ARPC5L: variants seen among roughly 807,000 people sequenced by gnomAD.
ARPC5L encodes the protein actin-related protein 2/3 complex subunit 5-like protein.
A neutral mutation model predicts 16.9 loss-of-function variants in ARPC5L; 4 were observed. That is an observed-to-expected ratio of 0.24 (90% CI 0.12 to 0.54). The LOEUF (loss-of-function observed/expected upper bound fraction) is 0.54, where lower values mean the gene tolerates loss of function less well. Among genes scored for constraint, ARPC5L ranks in the 20% least tolerant of loss-of-function variants. The pLI is 0.95. For synonymous variants in ARPC5L, 78 were observed against 82.6 expected, an observed-to-expected ratio of 0.94 and a Z score of 0.30; for missense variants, 151 against 201.9, an observed-to-expected ratio of 0.75 and a Z score of 1.53.
chr9:124,866,142 G>A (rs1052658953), intron 2 of ARPC5L, among the ~76,000 whole-genome samples: 3 of 151,690 alleles, frequency 2.0e-5, no homozygotes, highest in Non-Finnish European at 4.4e-5. Context: ...AGTGGCTCAC[G>A]TCTGTAATCC....
intron 3 of ARPC5L, among the ~76,000 whole-genome samples, chr9:124,869,760 T>C (rs1443603841): frequency 2.0e-5 from 3 of 152,194 alleles, no homozygotes; most frequent in Non-Finnish European, 2.9e-5. Context: ...CCCCTCACGC[T>C]GTCCCTTCCT....
intron 3 of ARPC5L, 46 bp downstream of exon 3, chr9:124,869,485 A>C (rs1451972252): frequency 7.1e-7 from 1 of 1,402,498 alleles, no homozygotes; most frequent in Non-Finnish European, 9.2e-7. Flanking sequence ...CGGCCTTCTC[A>C]CCTTCCCACC....
Position 124,877,572 on chromosome 9 carries a change from C to T in ARPC5L, c.*632C>T, listed in dbSNP as rs1829464968. 2 of 152,496 alleles carry T rather than the reference C, an allele frequency of 1.3e-5. No homozygotes were observed. Among genetic ancestry groups the T allele is most frequent in the Non-Finnish European group, 2.9e-5 (2 of 68,078 alleles). The allele number at this position is 152,496 out of a possible 1,614,324, so 9.4% of individuals were successfully genotyped here. ...GAGCGAGCATGGCAATCCACAGGCC[C>T]TCTGCCACAGGACGCCAGCCTCGGC... On this transcript the variant is annotated 3_prime_UTR_variant, in exon 6 of 6. Coordinates refer to ENST00000353214, the MANE Select transcript of ARPC5L (RefSeq NM_030978.3).
In ARPC5L at chr9:124,877,546, G is replaced by C. The variant is rs1237012531; in HGVS notation, c.*606G>C. The C allele has an allele frequency of 6.6e-6, 1 of 152,590 alleles. No individual in the cohort carries two copies. The highest frequency in any genetic ancestry group is 6.5e-5 in the Admixed American group (1 of 15,280). 9.5% of individuals were successfully genotyped at this position (152,590 alleles called of 1,614,324 possible). A position where few individuals can be genotyped will look rare whatever the true frequency, so the allele number is the denominator to read the frequency against. On this transcript the variant is annotated 3_prime_UTR_variant, in exon 6 of 6. Transcript: ENST00000353214. ...CTGTGTCCCTGTTGAGCCACCCCTG[G>C]GAGCGAGCATGGCAATCCACAGGCC...
chr9:124,876,949 A>AAAAG lies in ARPC5L; in HGVS notation c.*11_*14dup, dbSNP rs772769235. The AAAAG allele has an allele frequency of 6.8e-6, 11 of 1,608,510 alleles. No individual in the cohort carries two copies. In the Middle Eastern group the frequency reaches 1.3e-3, roughly 195 times the overall value. On this transcript the variant is annotated 3_prime_UTR_variant, in exon 6 of 6. Transcript: ENST00000353214. The stretch of plus-strand genomic sequence containing the variant: ...CAAGAAAGACTGTTTAAAAAAAATA[A>AAAAG]AAAGACTCATGTTACCTTGAGAAGA...
chr9:124,874,063 G>A (rs1263281299), intron 4 of ARPC5L, among the ~76,000 whole-genome samples: 2 of 152,240 alleles, frequency 1.3e-5, no homozygotes, highest in Non-Finnish European at 2.9e-5. Context: ...CTCACCTGTG[G>A]TGCTTATGCT....
intron 4 of ARPC5L, among the ~76,000 whole-genome samples, chr9:124,874,206 T>C (rs1829400889): frequency 6.6e-6 from 1 of 152,244 alleles, no homozygotes; most frequent in Admixed American, 6.5e-5. Context: ...GGGGTCTCCC[T>C]GCAGCTGGGA....
rs780496477 is a variant in ARPC5L, at chr9:124,862,396, G to A, written c.-986G>A. 1 of 159,336 alleles carries A rather than the reference G, an allele frequency of 6.3e-6. No homozygotes were observed. The highest frequency in any genetic ancestry group is 2.4e-5 in the African/African-American group (1 of 41,682). The allele number at this position is 159,336 out of a possible 1,614,324, so 9.9% of individuals were successfully genotyped here. A position where few individuals can be genotyped will look rare whatever the true frequency, so the allele number is the denominator to read the frequency against. On this transcript the variant is annotated splice_region_variant and 5_prime_UTR_variant, in exon 1 of 6. Coordinates refer to ENST00000353214, the MANE Select transcript of ARPC5L (RefSeq NM_030978.3). ...ACGATTAACCGAGGCTCACGTCGCG[G>A]AGGAATTTAAAGCGCGAGATGGACG... is the stretch of plus-strand genomic sequence containing the variant.
chr9:124,869,289 C>T lies in ARPC5L; in HGVS notation c.-2C>T. Reference sequence around the variant, plus strand: ...CGGCTGAGCGGGCGCCGAGCTCCCGCCATGGCCCGGAACACGCTGTCCTCG... The same window carrying T: ...CGGCTGAGCGGGCGCCGAGCTCCCGTCATGGCCCGGAACACGCTGTCCTCG... On this transcript the variant is annotated 5_prime_UTR_variant, in exon 3 of 6. Coordinates refer to ENST00000353214, the MANE Select transcript of ARPC5L (RefSeq NM_030978.3). 1.3e-6 allele frequency: 2 copies of T among 1,520,564 alleles called. No individual in the cohort carries two copies. The highest frequency in any genetic ancestry group is 2.1e-5 in the Admixed American group (1 of 48,698). The allele number at this position is 1,520,564 out of a possible 1,614,324, so 94.2% of individuals were successfully genotyped here. A position where few individuals can be genotyped will look rare whatever the true frequency, so the allele number is the denominator to read the frequency against.
chr9:124,875,868 G>A (rs1427144915), intron 5 of ARPC5L, among the ~76,000 whole-genome samples: 1 of 152,188 alleles, frequency 6.6e-6, no homozygotes, highest in African/African-American at 2.4e-5. Flanking sequence ...GAAGAGAGGG[G>A]TTTTACAGTG....
chr9:124,869,214 C>A lies in ARPC5L; in HGVS notation c.-77C>A. The A allele has an allele frequency of 7.4e-7, 1 of 1,354,726 alleles. No homozygotes were observed. The allele number at this position is 1,354,726 out of a possible 1,614,324, so 83.9% of individuals were successfully genotyped here. A position where few individuals can be genotyped will look rare whatever the true frequency, so the allele number is the denominator to read the frequency against. On this transcript the variant is annotated 5_prime_UTR_variant, in exon 3 of 6. Transcript: ENST00000353214. ...CGGGCAGCCGCTTCCCGCCCCCGAG[C>A]AGGAGCCGGTGCGAGCGGAGCAGAG...
At position 124,866,273 on chromosome 9, in the gene ARPC5L, A is replaced by G. The variant is rs1337042831; in HGVS notation, c.-863-2155A>G. 3.4e-5 allele frequency among the ~76,000 whole-genome samples: 5 copies of G among 146,646 alleles called. 1 individual carries two copies. The highest frequency in any genetic ancestry group is 1.3e-4 in the African/African-American group (5 of 39,222). On this transcript the variant is annotated intron_variant, in intron 2 of 5. Transcript: ENST00000353214. ...ACAAAAATTAGCCAGGTGTGGTGGC[A>G]GGTGCCGGTAATCCCAGCTACTCCA...
At chr9:124,867,266 C>T (rs1391196051) in intron 2 of ARPC5L, among the ~76,000 whole-genome samples, 1 of 151,970 alleles carries the variant, frequency 6.6e-6, no homozygotes, top group South Asian at 2.1e-4. Context: ...CTCAGCTTCC[C>T]GAGTAGCTGG....
chr9:124,873,832 C>T (rs1384678212), intron 4 of ARPC5L, 68 bp downstream of exon 4: 34 of 1,573,872 alleles, frequency 2.2e-5, no homozygotes, highest in Middle Eastern at 1.9e-4. Context: ...CTGCCCAGTG[C>T]GAGTGTGAGC....
In ARPC5L at chr9:124,862,184, G is replaced by A; in HGVS notation, c.-1198G>A. ...CGTCACGGTGTAGGCGCGCAGTTGG[G>A]GAAACCGAGGCCCAACGTGGGCGGC... On this transcript the variant is annotated 5_prime_UTR_variant, in exon 1 of 6. Coordinates refer to ENST00000353214, the MANE Select transcript of ARPC5L (RefSeq NM_030978.3). The A allele has an allele frequency of 2.4e-6, 1 of 415,674 alleles. No homozygotes were observed. The highest frequency in any genetic ancestry group is 3.6e-5 in the East Asian group (1 of 27,702). The allele number at this position is 415,674 out of a possible 1,614,324, so 25.7% of individuals were successfully genotyped here.
At chr9:124,864,276 C>T (rs555346554) in intron 2 of ARPC5L, among the ~76,000 whole-genome samples, 169 bp downstream of exon 2, 29 of 151,784 alleles carry the variant, frequency 1.9e-4, no homozygotes, top group Non-Finnish European at 4.3e-4. Flanking sequence ...ACCTCCACCT[C>T]CCAGGTTCAA....
At chr9:124,870,249 T>C (rs1307233644) in intron 3 of ARPC5L, among the ~76,000 whole-genome samples, 1 of 152,196 alleles carries the variant, frequency 6.6e-6, no homozygotes, top group Non-Finnish European at 1.5e-5. Flanking sequence ...ATGACTGTTC[T>C]TGTGGCCACA....
chr9:124,876,924 C>T lies in ARPC5L; in HGVS notation c.446C>T (p.Ala149Val). Residue 149 changes from alanine to valine, a missense_variant, in exon 6 of 6, where the codon GCA (alanine) becomes GTA (valine). Coordinates refer to ENST00000353214, the MANE Select transcript of ARPC5L (RefSeq NM_030978.3). ...GLGSIIRVLT[A>V]RKTV ...GGCTCCATTATAAGAGTTCTTACAG[C>T]AAGAAAGACTGTTTAAAAAAAATAA... The T allele has an allele frequency of 6.2e-7, 1 of 1,612,504 alleles. No individual in the cohort carries two copies. Among genetic ancestry groups the T allele is most frequent in the Non-Finnish European group, 8.5e-7 (1 of 1,179,370 alleles).
intron 4 of ARPC5L, among the ~76,000 whole-genome samples, chr9:124,874,707 T>TC (rs1829407168): frequency 6.7e-6 from 1 of 149,374 alleles, no homozygotes; most frequent in Non-Finnish European, 1.5e-5. Context: ...CTCTTTTCTC[T>TC]TCTCTCTCTC....
Sources: allele counts gnomAD v4.1 joint callset (sites outside exome capture counted in the v4.1 genomes callset), GRCh38; gene constraint gnomAD v4.1.1; transcripts MANE v1.5; gene names NCBI Gene and HGNC (gene_info 2026-07-23, HGNC 2026-07-21).